ZNF35: variants seen among roughly 807,000 people sequenced by gnomAD.
The protein encoded by ZNF35 is zinc finger protein 35.
A neutral mutation model predicts 45.9 loss-of-function variants in ZNF35; 31 were observed. The observed-to-expected ratio is 0.68, with a 90% CI of 0.51 to 0.91. The LOEUF (loss-of-function observed/expected upper bound fraction) is 0.91. Among genes scored for constraint, ZNF35 ranks in the 40% least tolerant of loss-of-function variants. The pLI, the probability that ZNF35 is intolerant of heterozygous loss-of-function variation, is 0.00. For missense variants in ZNF35, 515 were observed against 625.4 expected, an observed-to-expected ratio of 0.82 and a Z score of 1.88; for synonymous variants, 205 against 220.2, an observed-to-expected ratio of 0.93 and a Z score of 0.61.
chr3:44,659,103 A>G lies in ZNF35; in HGVS notation c.740A>G (p.Glu247Gly). 6.2e-7 allele frequency: 1 copy of G among 1,614,196 alleles called. No individual in the cohort carries two copies. The highest frequency in any genetic ancestry group is 1.1e-5 in the South Asian group (1 of 91,064). Residue 247 changes from glutamate (E) to glycine (G), a missense_variant, in exon 4 of 4, where the codon GAG (glutamate) becomes GGG (glycine). Glu to Gly is a moderately conservative substitution (Grantham distance 98, BLOSUM62 -2). Coordinates refer to ENST00000396056, the MANE Select transcript of ZNF35 (RefSeq NM_003420.4). The surrounding 1 kb of genome is among the most constrained non-coding windows in gnomAD (Gnocchi z 4.3). ...GTGCATCAGCGAATCCACACTGGAG[A>G]GAAACCCTTTGAATGTCATGAGTGT... is the stretch of plus-strand genomic sequence containing the variant. ...LVVHQRIHTG[E>G]KPFECHECGK...
chr3:44,651,722 A>G (rs1279496955), intron 2 of ZNF35, among the ~76,000 whole-genome samples: 2 of 151,868 alleles, frequency 1.3e-5, no homozygotes, highest in African/African-American at 2.4e-5. Context: ...AGTCTCAGCT[A>G]CTTGGGAGGC....
upstream of ZNF35, chr3:44,647,904 A>T (rs977726941): frequency 6.6e-6 from 1 of 152,202 alleles, no homozygotes; most frequent in South Asian, 2.1e-4. Context: ...TGGTGGTTAC[A>T]CAAATCTATA....
chr3:44,656,501 AC>A (rs889280891), intron 3 of ZNF35, among the ~76,000 whole-genome samples: 3 of 150,390 alleles, frequency 2.0e-5, no homozygotes, highest in Admixed American at 6.6e-5. Context: ...ATTGATTCTT[AC>A]GCCTCAGCCT....
At position 44,658,848 on chromosome 3, in the gene ZNF35, T is replaced by C; in HGVS notation, c.485T>C (p.Leu162Ser). 6.2e-7 allele frequency: 1 copy of C among 1,613,592 alleles called. No homozygotes were observed. Among genetic ancestry groups the C allele is most frequent in the South Asian group, 1.1e-5 (1 of 90,868 alleles). ...GAAGCTTGTGAAAAGGGAAACATGT[T>C]AAAGAGGCAGAGAATAAAGAGAGAA... ...LGEACEKGNM[L>S]KRQRIKREKK... is the part of the protein sequence containing the mutation. Residue 162 changes from leucine to serine, a missense_variant, in exon 4 of 4, where the codon TTA (leucine) becomes TCA (serine). Leu to Ser is a moderately radical substitution (Grantham distance 145). Coordinates refer to ENST00000396056, the MANE Select transcript of ZNF35 (RefSeq NM_003420.4).
rs572312970 is a variant in ZNF35, at chr3:44,659,332, G to C, written c.969G>C (p.Arg323=). The C allele has an allele frequency of 6.2e-7, 1 of 1,613,958 alleles. No individual in the cohort carries two copies. The highest frequency in any genetic ancestry group is 1.3e-5 in the African/African-American group (1 of 74,908). ...KAFSYSSQLA[R]HQKVHITEKC... is the part of the protein sequence containing the mutation. ...TTAGTTACAGCTCACAACTTGCTCG[G>C]CACCAGAAAGTCCACATTACGGAAA... Residue 323 remains arginine, a synonymous_variant, in exon 4 of 4, where the codon CGG becomes CGC. Coordinates refer to ENST00000396056, the MANE Select transcript of ZNF35 (RefSeq NM_003420.4). The surrounding 1 kb of genome is among the most constrained non-coding windows in gnomAD (Gnocchi z 4.3).
intron 3 of ZNF35, 66 bp downstream of exon 3, chr3:44,652,767 G>T: frequency 1.4e-6 from 2 of 1,462,092 alleles, no homozygotes; most frequent in African/African-American, 1.4e-5. Flanking sequence ...TCAGAGACTG[G>T]TGGGCATCCA....
chr3:44,659,147 AG>A lies in ZNF35; in HGVS notation c.785del (p.Ser262MetfsTer32). 6.2e-7 allele frequency: 1 copy of A among 1,614,220 alleles called. No homozygotes were observed. On this transcript the variant is annotated frameshift_variant, in exon 4 of 4. Transcript: ENST00000396056. LOFTEE classifies it high-confidence loss of function. This position sits in a 1 kb window ranked among gnomAD's most constrained non-coding sequence, Gnocchi z 4.3. Reference protein sequence around the residue: ...CHECGKAFIQSANLVVHQRIH... With the variant: ...CHECGKAFIQXANLVVHQRIH... Reference sequence around the variant, plus strand: ...TGAGTGTGGGAAGGCCTTCATTCAGAGTGCAAACCTCGTTGTGCATCAGAGA... The same window carrying A: ...TGAGTGTGGGAAGGCCTTCATTCAGATGCAAACCTCGTTGTGCATCAGAGA...
rs954827476 is a variant in ZNF35 at position 44,660,157 on chromosome 3, T to A, written c.*210T>A. 6 of 471,990 alleles carry A rather than the reference T, an allele frequency of 1.3e-5. No homozygotes were observed. The highest frequency in any genetic ancestry group is 1.2e-4 in the African/African-American group (6 of 51,458). The allele number at this position is 471,990 out of a possible 1,614,324, so 29.2% of individuals were successfully genotyped here. On this transcript the variant is annotated 3_prime_UTR_variant, in exon 4 of 4. Coordinates refer to ENST00000396056, the MANE Select transcript of ZNF35 (RefSeq NM_003420.4). ...AAGCACCTAAAGGCAAGGACTTTGT[T>A]TTAACTGTACCTTAAGCGGTCATGT... is the stretch of plus-strand genomic sequence containing the variant.
rs1160393715 is a variant in ZNF35 at position 44,660,178 on chromosome 3, C to T, written c.*231C>T. The T allele has an allele frequency of 2.6e-6, 1 of 391,304 alleles. No individual in the cohort carries two copies. The highest frequency in any genetic ancestry group is 4.5e-6 in the Non-Finnish European group (1 of 221,828). 24.2% of individuals were successfully genotyped at this position (391,304 alleles called of 1,614,324 possible). A position where few individuals can be genotyped will look rare whatever the true frequency, so the allele number is the denominator to read the frequency against. On this transcript the variant is annotated 3_prime_UTR_variant, in exon 4 of 4. Coordinates refer to ENST00000396056, the MANE Select transcript of ZNF35 (RefSeq NM_003420.4). ...TTGTTTTAACTGTACCTTAAGCGGTCATGTTCTCTGAAGTGGAATGTGGCT... is the reference window on the plus strand; with the variant it reads ...TTGTTTTAACTGTACCTTAAGCGGTTATGTTCTCTGAAGTGGAATGTGGCT...
chr3:44,656,183 T>C (rs1444248074), intron 3 of ZNF35, among the ~76,000 whole-genome samples: 3 of 151,668 alleles, frequency 2.0e-5, no homozygotes, highest in Admixed American at 1.3e-4. Context: ...ATGGAAAAAT[T>C]CAAAATATTT....
chr3:44,659,597 C>T lies in ZNF35; in HGVS notation c.1234C>T (p.His412Tyr). The T allele has an allele frequency of 2.5e-6, 4 of 1,614,100 alleles. No homozygotes were observed. The highest frequency in any genetic ancestry group is 1.1e-5 in the South Asian group (1 of 91,060). ...FSHLIVHQRIHTAEKPYDCSE... is the reference protein window; with the variant it reads ...FSHLIVHQRIYTAEKPYDCSE... ...ACACCTTATTGTGCACCAGAGAATTCACACTGCAGAGAAACCTTACGACTG... is the reference window on the plus strand; with the variant it reads ...ACACCTTATTGTGCACCAGAGAATTTACACTGCAGAGAAACCTTACGACTG... The change falls in exon 4 of 4, where the codon CAC becomes TAC. Residue 412 changes from histidine to tyrosine, a missense_variant. Transcript: ENST00000396056. The surrounding 1 kb of genome is among the most constrained non-coding windows in gnomAD (Gnocchi z 4.3).
chr3:44,654,219 C>G (rs1703254690), intron 3 of ZNF35, among the ~76,000 whole-genome samples: 1 of 152,166 alleles, frequency 6.6e-6, no homozygotes, highest in Non-Finnish European at 1.5e-5. Flanking sequence ...ATACCCAAGA[C>G]TTAGTATTTT....
At chr3:44,655,349 C>T (rs1703280699) in intron 3 of ZNF35, among the ~76,000 whole-genome samples, 1 of 151,508 alleles carries the variant, frequency 6.6e-6, no homozygotes, top group Admixed American at 6.6e-5. Flanking sequence ...AATCAAATTA[C>T]CCTTCTTATC....
chr3:44,649,340 G>T (rs1241361763), intron 1 of ZNF35, among the ~76,000 whole-genome samples: 1 of 152,246 alleles, frequency 6.6e-6, no homozygotes, highest in African/African-American at 2.4e-5. Context: ...TCACAGGAAT[G>T]AAAGTATTGC....
At position 44,651,231 on chromosome 3, in the gene ZNF35, G is replaced by A. The variant is rs1241564459; in HGVS notation, c.164G>A (p.Gly55Asp). The A allele has an allele frequency of 6.2e-7, 1 of 1,613,898 alleles. No individual in the cohort carries two copies. Among genetic ancestry groups the A allele is most frequent in the Non-Finnish European group, 8.5e-7 (1 of 1,179,962 alleles). Reference protein sequence around the residue: ...VWAPVQGLQTGLDGSEEEEKG... With the variant: ...VWAPVQGLQTDLDGSEEEEKG... Reference sequence around the variant, plus strand: ...GCCCCAGTGCAGGGTCTTCAGACAGGCCTTGATGGATCAGAAGAGGAAGAA... The same window carrying A: ...GCCCCAGTGCAGGGTCTTCAGACAGACCTTGATGGATCAGAAGAGGAAGAA... Residue 55 changes from glycine to aspartate, a missense_variant, in exon 2 of 4, where the codon GGC becomes GAC. Physicochemically the swap from Gly to Asp is moderately conservative, Grantham distance 94. Coordinates refer to ENST00000396056, the MANE Select transcript of ZNF35 (RefSeq NM_003420.4).
intron 3 of ZNF35, among the ~76,000 whole-genome samples, chr3:44,653,018 TTATGTAC>T (rs1280044135): frequency 6.6e-6 from 1 of 152,062 alleles, no homozygotes; most frequent in Non-Finnish European, 1.5e-5. Context: ...TACTAGGTGT[TTATGTAC>T]AGGGTAGACA....
intron 3 of ZNF35, among the ~76,000 whole-genome samples, chr3:44,657,786 A>G (rs1012972915): frequency 6.6e-6 from 1 of 152,174 alleles, no homozygotes; most frequent in African/African-American, 2.4e-5. Context: ...GTAGCTGTCT[A>G]TCACCATAGC....
Position 44,652,661 on chromosome 3 carries a change from G to A in ZNF35, c.297G>A (p.Lys99=), listed in dbSNP as rs747836990. Residue 99 remains lysine, a synonymous_variant, in exon 3 of 4, where the codon AAG becomes AAA. Transcript: ENST00000396056. ...GSYSLPGTLA[K]SEILETHGTM... ...ACTCATTACCAGGGACTCTGGCCAA[G>A]AGTGAGATACTGGAGACTCATGGGA... 6.2e-7 allele frequency: 1 copy of A among 1,610,932 alleles called. No homozygotes were observed. Among genetic ancestry groups the A allele is most frequent in the Admixed American group, 1.7e-5 (1 of 59,474 alleles).
At chr3:44,646,765 G>A, upstream of ZNF35, 1 of 448,478 alleles carries the variant, frequency 2.2e-6, no homozygotes, top group South Asian at 3.5e-5. Flanking sequence ...ATACTAGAGA[G>A]CCGTTAGGTA....
Sources: gnomAD v4.1 joint callset for allele counts (sites outside exome capture counted in the v4.1 genomes callset) on GRCh38, gnomAD v4.1.1 for gene constraint, Gnocchi (gnomAD v3.1) non-coding constraint, MANE v1.5 for transcripts, NCBI Gene and HGNC (gene_info 2026-07-23, HGNC 2026-07-21) for gene names.